Variants in NTM observed in about 807,000 individuals in gnomAD.
NTM encodes the protein IgLON family member 2.
In NTM, 13 loss-of-function variants were observed where a neutral mutation model predicts 42.1. That is an observed-to-expected ratio of 0.31 (90% CI 0.20 to 0.49). NTM has a LOEUF of 0.49. Among genes scored for constraint, NTM ranks in the 20% least tolerant of loss-of-function variants. NTM has a pLI of 0.99. For synonymous variants in NTM, 187 were observed against 179.2 expected, an observed-to-expected ratio of 1.04 and a Z score of -0.35; for missense variants, 373 against 452.8, an observed-to-expected ratio of 0.82 and a Z score of 1.60.
chr11:131,902,516 A>G (rs960062678), intron 1 of NTM, among the ~76,000 whole-genome samples: 1 of 152,196 alleles, frequency 6.6e-6, no homozygotes, highest in African/African-American at 2.4e-5. Flanking sequence ...CTGCTTCCCC[A>G]AGGAAAGTTC....
chr11:132,236,821 G>A (rs1024779283), intron 4 of NTM, among the ~76,000 whole-genome samples: 7 of 152,316 alleles, frequency 4.6e-5, no homozygotes, highest in African/African-American at 9.6e-5. Context: ...GACTCCCTCC[G>A]AAAGAATGGA....
intron 2 of NTM, among the ~76,000 whole-genome samples, chr11:132,070,750 C>T (rs1392526414): frequency 2.1e-5 from 3 of 142,966 alleles, no homozygotes; most frequent in South Asian, 2.4e-4. Context: ...TCAAACTGAC[C>T]GTCACAGGTT....
intron 4 of NTM, among the ~76,000 whole-genome samples, chr11:132,218,382 A>G (rs889904226): frequency 7.9e-5 from 12 of 152,180 alleles, no homozygotes; most frequent in African/African-American, 2.9e-4. Context: ...TCAGTAATCA[A>G]TATGGGCTGT....
At chr11:131,666,241 T>C (rs1159613133) in intron 1 of NTM, among the ~76,000 whole-genome samples, 2 of 152,210 alleles carry the variant, frequency 1.3e-5, no homozygotes, top group Non-Finnish European at 2.9e-5. Context: ...GCTCTCAGCC[T>C]TACTGCTGTG....
rs1273059093 is a variant in NTM at position 132,146,596 on chromosome 11, A to G, written c.400+82A>G. On this transcript the variant is annotated intron_variant, in intron 3 of 8. Coordinates refer to ENST00000683400, the MANE Select transcript of NTM (RefSeq NM_001352005.2). This position sits in a 1 kb window ranked among gnomAD's most constrained non-coding sequence, Gnocchi z 4.5. The stretch of plus-strand genomic sequence containing the variant: ...GTAAAGGTTTGTTCTCTGATCCTCA[A>G]CAGAGATGAGTTATCCTTATTCTAC... 7.1e-6 allele frequency: 10 copies of G among 1,400,690 alleles called. No homozygotes were observed. Among genetic ancestry groups the G allele is most frequent in the Admixed American group, 2.0e-5 (1 of 50,494 alleles). 86.8% of individuals were successfully genotyped at this position (1,400,690 alleles called of 1,614,324 possible).
intron 1 of NTM, among the ~76,000 whole-genome samples, chr11:131,900,363 C>A (rs2052967895): frequency 6.6e-6 from 1 of 152,238 alleles, no homozygotes; most frequent in African/African-American, 2.4e-5. Context: ...TCAGAAACCA[C>A]AGGAAGGATT....
intron 2 of NTM, among the ~76,000 whole-genome samples, chr11:132,137,125 C>A (rs2068083012): frequency 6.6e-6 from 1 of 151,736 alleles, no homozygotes; most frequent in Non-Finnish European, 1.5e-5. Flanking sequence ...AGTGTAATTG[C>A]AAAAAAAAGT....
At chr11:131,956,149 T>C (rs917201009) in intron 2 of NTM, among the ~76,000 whole-genome samples, 10 of 152,136 alleles carry the variant, frequency 6.6e-5, no homozygotes, top group Admixed American at 5.2e-4. Context: ...AGCCGCACTA[T>C]AGAGACCCAG....
intron 1 of NTM, among the ~76,000 whole-genome samples, chr11:131,391,659 A>AAAAAG (rs1944020485): frequency 6.7e-6 from 1 of 149,786 alleles, no homozygotes; most frequent in Non-Finnish European, 1.5e-5. Flanking sequence ...AAAAAAAAAA[A>AAAAAG]AAAAGAAAAG....
intron 4 of NTM, among the ~76,000 whole-genome samples, chr11:132,257,690 T>C (rs543017573): frequency 6.6e-6 from 1 of 152,238 alleles, no homozygotes; most frequent in Non-Finnish European, 1.5e-5. Context: ...ATAGGAATTA[T>C]TTTTGCCCAT....
At chr11:132,250,119 C>T (rs1037983656) in intron 4 of NTM, among the ~76,000 whole-genome samples, 1 of 152,124 alleles carries the variant, frequency 6.6e-6, no homozygotes, top group African/African-American at 2.4e-5. Context: ...TTATTTTGTC[C>T]TGATTCCTGA....
intron 2 of NTM, among the ~76,000 whole-genome samples, chr11:131,999,467 G>A (rs1036673768): frequency 1.3e-5 from 2 of 152,202 alleles, no homozygotes; most frequent in Non-Finnish European, 2.9e-5. Flanking sequence ...CTGTCAAGCT[G>A]TGGGTTAGGA....
chr11:131,467,089 T>A lies in NTM; in HGVS notation c.82+96201T>A, dbSNP rs142773457. ...AATTGCTTCAGTAGTTTGAGAATGA[T>A]GAATGACAATGTTTTTAAAATATAT... is the stretch of plus-strand genomic sequence containing the variant. On this transcript the variant is annotated intron_variant, in intron 1 of 8. Transcript: ENST00000683400. 3.3e-3 allele frequency among the ~76,000 whole-genome samples: 500 copies of A among 152,268 alleles called. 4 individuals carry two copies. The highest frequency in any genetic ancestry group is 0.011 in the African/African-American group (477 of 41,548).
chr11:131,862,463 C>T (rs1372778307), intron 1 of NTM, among the ~76,000 whole-genome samples: 1 of 152,190 alleles, frequency 6.6e-6, no homozygotes, highest in African/African-American at 2.4e-5. Context: ...TTTCTTCATT[C>T]TGCATATTTA....
At chr11:131,444,326 A>G (rs1311778272) in intron 1 of NTM, among the ~76,000 whole-genome samples, 1 of 152,044 alleles carries the variant, frequency 6.6e-6, no homozygotes, top group Non-Finnish European at 1.5e-5. Flanking sequence ...AAGTCCAAGG[A>G]GTGCGTCTTA....
intron 1 of NTM, among the ~76,000 whole-genome samples, chr11:131,895,781 T>G (rs193098029): frequency 2.2e-3 from 341 of 152,304 alleles, no homozygotes; most frequent in African/African-American, 8.0e-3. Flanking sequence ...GTTAAACTAA[T>G]GTTTCATGGA....
At chr11:131,578,512 C>G (rs2058124426) in intron 1 of NTM, among the ~76,000 whole-genome samples, 1 of 152,118 alleles carries the variant, frequency 6.6e-6, no homozygotes, top group Non-Finnish European at 1.5e-5. Flanking sequence ...CCAGTGAGAA[C>G]AGAGACAGGG....
At chr11:132,215,718 C>T (rs989969996) in intron 4 of NTM, among the ~76,000 whole-genome samples, 40 of 152,222 alleles carry the variant, frequency 2.6e-4, no homozygotes, top group African/African-American at 9.6e-4. Context: ...TTGTAGTTCC[C>T]TTCAGGAATT....
intron 1 of NTM, among the ~76,000 whole-genome samples, chr11:131,754,439 A>G (rs2083040487): frequency 6.6e-6 from 1 of 152,190 alleles, no homozygotes; most frequent in Non-Finnish European, 1.5e-5. Context: ...AGCCTGGCCA[A>G]CATGGCGAAA....
Sources: gnomAD v4.1 joint callset for allele counts (sites outside exome capture counted in the v4.1 genomes callset) on GRCh38, gnomAD v4.1.1 for gene constraint, Gnocchi (gnomAD v3.1) non-coding constraint, MANE v1.5 for transcripts, NCBI Gene and HGNC (gene_info 2026-07-23, HGNC 2026-07-21) for gene names.